The following ANOS1 variants were observed in gnomAD, a reference collection of about 807,000 sequenced individuals.
ANOS1 encodes anosmin 1, also known as anosmin-1.
ANOS1 carries 6 observed loss-of-function variants against 59.0 expected under a neutral mutation model. The observed-to-expected ratio is 0.10, with a 90% CI of 0.06 to 0.20. ANOS1 has a LOEUF of 0.20. Ranked by LOEUF, ANOS1 falls within the 10% of genes least tolerant of loss-of-function variation. The pLI, the probability that ANOS1 is intolerant of heterozygous loss-of-function variation, is 1.00. For synonymous variants in ANOS1, 217 were observed against 223.4 expected, an observed-to-expected ratio of 0.97 and a Z score of 0.25; for missense variants, 433 against 542.3, an observed-to-expected ratio of 0.80 and a Z score of 2.00.
chrX:8,683,578 T>C (rs1387236782), intron 2 of ANOS1, among the ~76,000 whole-genome samples: 7 of 111,885 alleles, frequency 6.3e-5, no homozygotes, highest in African/African-American at 9.7e-5. Flanking sequence ...ACGGTCTACA[T>C]GTGTTACAGA....
intron 1 of ANOS1, among the ~76,000 whole-genome samples, chrX:8,719,657 A>G (rs1331570064): frequency 8.9e-6 from 1 of 111,973 alleles, no homozygotes; most frequent in Non-Finnish European, 1.9e-5. Context: ...CTGGGATTAC[A>G]AGCGAGAGCC....
At chrX:8,686,992 A>C (rs1932533167) in intron 2 of ANOS1, among the ~76,000 whole-genome samples, 1 of 111,220 alleles carries the variant, frequency 9.0e-6, no homozygotes, top group Admixed American at 9.6e-5. Flanking sequence ...ATATCTCTCC[A>C]AGTTTCCTCC....
chrX:8,570,624 T>C lies in ANOS1; in HGVS notation c.937A>G (p.Ile313Val), dbSNP rs1569051821. The change falls in exon 7 of 14, where the codon ATA (isoleucine) becomes GTA (valine). Residue 313 changes from isoleucine to valine, a missense_variant. Transcript: ENST00000262648. ...VNSDGSVTVT[I>V]VWDLPEEPDI... ...GGCTCCTCGGGGAGATCCCAAACTA[T>C]AGTGACGGTCACACTCCCATCACTG... is the stretch of plus-strand genomic sequence containing the variant. 1 of 1,210,749 alleles carries C rather than the reference T, an allele frequency of 8.3e-7. No individual in the cohort carries two copies. The highest frequency in any genetic ancestry group is 1.1e-6 in the Non-Finnish European group (1 of 894,760).
At position 8,623,632 on chromosome X, in the gene ANOS1, T is replaced by C. The variant is rs756870750; in HGVS notation, c.294A>G (p.Lys98=). The C allele has an allele frequency of 8.3e-7, 1 of 1,206,249 alleles. No homozygotes were observed. Among genetic ancestry groups the C allele is most frequent in the South Asian group, 1.8e-5 (1 of 56,665 alleles). Residue 98 remains lysine, a synonymous_variant, in exon 3 of 14, where the codon AAA becomes AAG. Coordinates refer to ENST00000262648, the MANE Select transcript of ANOS1 (RefSeq NM_000216.4). ...CCTCACAAAAGCTTTGGCACTGGTG[T>C]TTCCTCAGGTCCCCTGATTCCTTGC... ...EPCKESGDLR[K]HQCQSFCEPL...
At chrX:8,571,036 G>A (rs574281088) in intron 6 of ANOS1, among the ~76,000 whole-genome samples, 1 of 107,556 alleles carries the variant, frequency 9.3e-6, no homozygotes, top group Non-Finnish European at 1.9e-5. Flanking sequence ...GCTTGAACCC[G>A]GGAGGTCAAG....
At chrX:8,630,733 T>A (rs1215976133) in intron 2 of ANOS1, among the ~76,000 whole-genome samples, 3 of 112,420 alleles carry the variant, frequency 2.7e-5, no homozygotes, top group African/African-American at 9.7e-5. Flanking sequence ...CACTCAGAAC[T>A]AATTGTTTGT....
At chrX:8,722,582 C>T (rs767628361) in intron 1 of ANOS1, among the ~76,000 whole-genome samples, 61 of 111,578 alleles carry the variant, frequency 5.5e-4, no homozygotes, top group African/African-American at 1.1e-3. Flanking sequence ...TGTACACACA[C>T]ACACACACAC....
chrX:8,543,033 T>C (rs1470559945), intron 9 of ANOS1, among the ~76,000 whole-genome samples: 2 of 109,520 alleles, frequency 1.8e-5, no homozygotes, highest in East Asian at 5.8e-4. Context: ...GTCAACCCCA[T>C]TTGGTTAGAG....
chrX:8,604,710 G>T (rs1930907315), intron 3 of ANOS1, among the ~76,000 whole-genome samples: 2 of 111,927 alleles, frequency 1.8e-5, no homozygotes, highest in Non-Finnish European at 3.8e-5. Context: ...TAATCCAGGG[G>T]TTACTGAAAA....
In ANOS1 at chrX:8,597,264, A is replaced by C. The variant is rs1930756883; in HGVS notation, c.319-8T>G. The C allele has an allele frequency of 8.4e-7, 1 of 1,189,239 alleles. No individual in the cohort carries two copies. The highest frequency in any genetic ancestry group is 1.8e-5 in the African/African-American group (1 of 57,006). ...CTTCTTGGGGAAGAGAGGCTAAGTC[A>C]AAGAAGAATTTTAAAAAATATTCCA... On this transcript the variant is annotated splice_region_variant and splice_polypyrimidine_tract_variant and intron_variant, in intron 3 of 13. Transcript: ENST00000262648.
intron 3 of ANOS1, among the ~76,000 whole-genome samples, chrX:8,605,254 T>C (rs1017604322): frequency 9.1e-6 from 1 of 110,052 alleles, no homozygotes; most frequent in African/African-American, 3.3e-5. Flanking sequence ...ATTCCAAATT[T>C]CTGAAAACTT....
Position 8,585,285 on chromosome X carries a change from G to T in ANOS1, c.838C>A (p.His280Asn). 1.7e-6 allele frequency: 2 copies of T among 1,210,874 alleles called. No homozygotes were observed. The highest frequency in any genetic ancestry group is 2.2e-6 in the Non-Finnish European group (2 of 894,791). Reference sequence around the variant, plus strand: ...GACTGACCTTTGGAAGAACGGAAGTGTTTGCTGGGGGCAGTGAAGCCTCGA... The same window carrying T: ...GACTGACCTTTGGAAGAACGGAAGTTTTTGCTGGGGGCAGTGAAGCCTCGA... ...GTRGFTAPSK[H>N]FRSSKDPSAP... is the part of the protein sequence containing the mutation. The change falls in exon 6 of 14, where the codon CAC (histidine) becomes AAC (asparagine). Residue 280 changes from histidine (H) to asparagine (N), a missense_variant. Physicochemically the swap from His to Asn is moderately conservative, Grantham distance 68. Coordinates refer to ENST00000262648, the MANE Select transcript of ANOS1 (RefSeq NM_000216.4).
chrX:8,587,477 C>A (rs111734537), intron 5 of ANOS1, among the ~76,000 whole-genome samples: 1,957 of 111,771 alleles, frequency 0.018, 47 homozygotes, highest in African/African-American at 0.061. Flanking sequence ...CATTTCCCTT[C>A]CTCTAGTTGG....
intron 3 of ANOS1, among the ~76,000 whole-genome samples, chrX:8,606,955 T>TA (rs2146833934): frequency 8.9e-6 from 1 of 112,063 alleles, no homozygotes; most frequent in African/African-American, 3.2e-5. Context: ...TCACCTCTAC[T>TA]AAAAATCCAA....
chrX:8,620,123 A>T (rs1309560775), intron 3 of ANOS1, among the ~76,000 whole-genome samples: 1 of 85,628 alleles, frequency 1.2e-5, no homozygotes, highest in East Asian at 3.1e-4. Flanking sequence ...AGCAGGAATT[A>T]AAAAACTTTT....
At chrX:8,591,517 C>T (rs1332151761) in intron 4 of ANOS1, among the ~76,000 whole-genome samples, 2 of 112,030 alleles carry the variant, frequency 1.8e-5, no homozygotes, top group East Asian at 5.6e-4. Context: ...AGGTTTTAAT[C>T]TTGAATAGCA....
chrX:8,552,214 A>C (rs1929868892), intron 9 of ANOS1, among the ~76,000 whole-genome samples: 1 of 112,340 alleles, frequency 8.9e-6, no homozygotes, highest in Admixed American at 9.4e-5. Context: ...GACAGAGAGA[A>C]TGTGGAGCAC....
chrX:8,731,939 C>A lies in ANOS1; in HGVS notation c.98G>T (p.Arg33Leu). Residue 33 changes from arginine to leucine, a missense_variant, in exon 1 of 14, where the codon CGG becomes CTG. Arg to Leu is a moderately radical substitution (Grantham distance 102, BLOSUM62 -2). Transcript: ENST00000262648. Reference protein sequence around the residue: ...LAAGPGAAAARRLDESLSAGS... With the variant: ...LAAGPGAAAALRLDESLSAGS... ...GGCAGACAGCGACTCGTCCAGCCGCCGCGCAGCAGCCGCGCCGGGGCCGGC... is the reference window on the plus strand; with the variant it reads ...GGCAGACAGCGACTCGTCCAGCCGCAGCGCAGCAGCCGCGCCGGGGCCGGC... The A allele has an allele frequency of 8.8e-7, 1 of 1,137,819 alleles. No homozygotes were observed. The highest frequency in any genetic ancestry group is 1.2e-6 in the Non-Finnish European group (1 of 861,830). 93.8% of individuals were successfully genotyped at this position (1,137,819 alleles called of 1,213,427 possible).
chrX:8,599,438 T>G (rs1389624504), intron 3 of ANOS1, among the ~76,000 whole-genome samples: 5 of 111,110 alleles, frequency 4.5e-5, no homozygotes, highest in African/African-American at 1.3e-4. Context: ...ACTGGTAACA[T>G]CTGGAAACAC....
Sources: allele counts gnomAD v4.1 joint callset (sites outside exome capture counted in the v4.1 genomes callset), GRCh38; gene constraint gnomAD v4.1.1; transcripts MANE v1.5; gene names NCBI Gene and HGNC (gene_info 2026-07-23, HGNC 2026-07-21).